ABCA3: variants seen among roughly 807,000 people sequenced by gnomAD.
ABCA3 encodes the protein phospholipid-transporting ATPase ABCA3.
A neutral mutation model predicts 172.8 loss-of-function variants in ABCA3; 88 were observed. The observed-to-expected ratio is 0.51, with a 90% CI of 0.43 to 0.61. ABCA3 has a LOEUF of 0.61. Among genes scored for constraint, ABCA3 ranks in the 20% least tolerant of loss-of-function variants. ABCA3 has a pLI of 0.00. For missense variants in ABCA3, 2,164 were observed against 2,301.0 expected, an observed-to-expected ratio of 0.94 and a Z score of 1.22; for synonymous variants, 1,066 against 983.8, an observed-to-expected ratio of 1.08 and a Z score of -1.56.
At chr16:2,316,331 G>GA (rs2093715505) in intron 10 of ABCA3, among the ~76,000 whole-genome samples, 1 of 96,312 alleles carries the variant, frequency 1.0e-5, no homozygotes, top group Admixed American at 1.1e-4. Flanking sequence ...AAAGAAAAAA[G>GA]AAAAGAAAAA....
Position 2,283,434 on chromosome 16 carries a change from C to T in ABCA3, c.3863-76G>A. On this transcript the variant is annotated intron_variant, in intron 25 of 32. Coordinates refer to ENST00000301732, the MANE Select transcript of ABCA3 (RefSeq NM_001089.3). This position sits in a 1 kb window ranked among gnomAD's most constrained non-coding sequence, Gnocchi z 5.4. ...CCTTCCAGGTTCCCGGCCCCCACTCCCCTCCCCAGGCTGCTCAAGGCGCCT... is the reference window on the plus strand; with the variant it reads ...CCTTCCAGGTTCCCGGCCCCCACTCTCCTCCCCAGGCTGCTCAAGGCGCCT... 18 of 1,542,938 alleles carry T rather than the reference C, an allele frequency of 1.2e-5. No homozygotes were observed. Among genetic ancestry groups the T allele is most frequent in the Non-Finnish European group, 1.5e-5 (17 of 1,130,754 alleles).
Position 2,276,751 on chromosome 16 carries a change from C to T in ABCA3, c.5038G>A (p.Val1680Met), listed in dbSNP as rs759974464. 1.1e-4 allele frequency: 185 copies of T among 1,613,908 alleles called. No individual in the cohort carries two copies. The South Asian group carries it at 1.9e-3, about 16-fold the overall frequency. Reference protein sequence around the residue: ...KEKYGVDDYSVSQISLEQVFL... With the variant: ...KEKYGVDDYSMSQISLEQVFL... ...ACCTGTTCCAGCGAGATCTGGCTCA[C>T]GGAGTAGTCGTCCACGCCGTACTTT... Residue 1680 changes from valine (V) to methionine (M), a missense_variant, in exon 33 of 33, where the codon GTG becomes ATG. Coordinates refer to ENST00000301732, the MANE Select transcript of ABCA3 (RefSeq NM_001089.3).
rs1449586919 is a variant in ABCA3 at position 2,297,150 on chromosome 16, G to A, written c.2263+179C>T. Among the ~76,000 whole-genome samples, 1 of 152,102 alleles carries A rather than the reference G, an allele frequency of 6.6e-6. No homozygotes were observed. The highest frequency in any genetic ancestry group is 1.5e-5 in the Non-Finnish European group (1 of 68,030). ...ATTGAGACTTTCAGCTCCATTTCCT[G>A]CCTCTTCCCTCTCACAAGCCCCCCT... On this transcript the variant is annotated intron_variant, in intron 17 of 32. Transcript: ENST00000301732. This position sits in a 1 kb window ranked among gnomAD's most constrained non-coding sequence, Gnocchi z 5.6.
chr16:2,283,312 G>C lies in ABCA3; in HGVS notation c.3909C>G (p.Val1303=). ...CGGCCATGGAGGCCACAAACCGGCCGACCCCCGGGGCGCTCCAGGCATAGA... is the reference window on the plus strand; with the variant it reads ...CGGCCATGGAGGCCACAAACCGGCCCACCCCCGGGGCGCTCCAGGCATAGA... ...ENFYAWSAPG[V]GRFVASMAAS... The change falls in exon 26 of 33, where the codon GTC becomes GTG. Residue 1303 remains valine, a synonymous_variant. Transcript: ENST00000301732. The surrounding 1 kb of genome is among the most constrained non-coding windows in gnomAD (Gnocchi z 5.4). 6.2e-7 allele frequency: 1 copy of C among 1,613,198 alleles called. No homozygotes were observed. Among genetic ancestry groups the C allele is most frequent in the South Asian group, 1.1e-5 (1 of 91,068 alleles).
intron 19 of ABCA3, among the ~76,000 whole-genome samples, chr16:2,291,190 G>A (rs1006931228): frequency 7.9e-5 from 12 of 152,022 alleles, no homozygotes; most frequent in East Asian, 1.9e-4. Context: ...CTAGCTGGGC[G>A]TAATGACGTG....
chr16:2,310,539 CAGGGTCTCATACT>C lies in ABCA3; in HGVS notation c.1112-1929_1112-1917del, dbSNP rs1171646278. Among the ~76,000 whole-genome samples, 6 of 148,898 alleles carry C rather than the reference CAGGGTCTCATACT, an allele frequency of 4.0e-5. 1 individual carries two copies. The highest frequency in any genetic ancestry group is 5.9e-5 in the Non-Finnish European group (4 of 67,410). On this transcript the variant is annotated intron_variant, in intron 10 of 32. Transcript: ENST00000301732. Reference sequence around the variant, plus strand: ...TCTTTCTTTTTTTTTTTTTCTGAGACAGGGTCTCATACTATCGCCCAGGATGGAGTGCAGTGGT... The same window carrying C: ...TCTTTCTTTTTTTTTTTTTCTGAGACATCGCCCAGGATGGAGTGCAGTGGT...
chr16:2,283,664 C>T lies in ABCA3; in HGVS notation c.3863-306G>A, dbSNP rs1012066590. 7.3e-6 allele frequency: 3 copies of T among 409,550 alleles called. No individual in the cohort carries two copies. The highest frequency in any genetic ancestry group is 1.4e-5 in the Non-Finnish European group (3 of 219,150). The allele number at this position is 409,550 out of a possible 1,614,324, so 25.4% of individuals were successfully genotyped here. ...GCTGCCTCCTGACCAGGACAGAGAC[C>T]GTTACAAGCACCGAGGGGTGTGTGG... On this transcript the variant is annotated intron_variant, in intron 25 of 32. Transcript: ENST00000301732. This position sits in a 1 kb window ranked among gnomAD's most constrained non-coding sequence, Gnocchi z 5.4.
intron 10 of ABCA3, among the ~76,000 whole-genome samples, chr16:2,315,019 A>G (rs967170450): frequency 2.0e-5 from 3 of 151,080 alleles, no homozygotes; most frequent in Non-Finnish European, 4.4e-5. Flanking sequence ...CTGGGACTAC[A>G]GGTACCCGCC....
rs911853425 is a variant in ABCA3 at position 2,277,858 on chromosome 16, G to T, written c.4909+21C>A. ...GGGGCCCAGGGCCCACCCAGTGGGGGCTGCCGGGGCCGGCACACACCTGGA... is the reference window on the plus strand; with the variant it reads ...GGGGCCCAGGGCCCACCCAGTGGGGTCTGCCGGGGCCGGCACACACCTGGA... On this transcript the variant is annotated intron_variant, in intron 31 of 32. Transcript: ENST00000301732. This position sits in a 1 kb window ranked among gnomAD's most constrained non-coding sequence, Gnocchi z 5.3. 10 of 1,607,430 alleles carry T rather than the reference G, an allele frequency of 6.2e-6. No homozygotes were observed. The highest frequency in any genetic ancestry group is 8.5e-6 in the Non-Finnish European group (10 of 1,179,530).
In ABCA3 at chr16:2,276,785, T is replaced by A. The variant is rs1355881997; in HGVS notation, c.5004A>T (p.Lys1668Asn). 1.2e-6 allele frequency: 2 copies of A among 1,613,950 alleles called. No individual in the cohort carries two copies. The highest frequency in any genetic ancestry group is 3.3e-5 in the Admixed American group (2 of 60,026). Residue 1668 changes from lysine to asparagine, a missense_variant, in exon 33 of 33, where the codon AAA (lysine) becomes AAT (asparagine). Around this residue, in one of 3 missense-constraint regions of ABCA3, gnomAD observed 795 missense variants for 881.9 expected, o/e 0.90. Coordinates refer to ENST00000301732, the MANE Select transcript of ABCA3 (RefSeq NM_001089.3). ...CGTCCACGCCGTACTTTTCCTTGGC[T>A]TTCTCCAGAATACCGAAAACCTTTG... ...SWAKVFGILE[K>N]AKEKYGVDDY...
rs1248792069 is a variant in ABCA3 at position 2,284,852 on chromosome 16, G to A, written c.3630C>T (p.Tyr1210=). The stretch of plus-strand genomic sequence containing the variant: ...GGATGTTGAAGATGGTCAGCCTCGT[G>A]TAGGCAGTGGCCGCCCCCAAGAAGA... ...NFFFLGAATA[Y]TRLTIFNILS... is the part of the protein sequence containing the mutation. Residue 1210 remains tyrosine (Y), a synonymous_variant, in exon 24 of 33, where the codon TAC becomes TAT. Coordinates refer to ENST00000301732, the MANE Select transcript of ABCA3 (RefSeq NM_001089.3). The surrounding 1 kb of genome is among the most constrained non-coding windows in gnomAD (Gnocchi z 5.9). The A allele has an allele frequency of 7.4e-6, 12 of 1,614,008 alleles. No homozygotes were observed. Among genetic ancestry groups the A allele is most frequent in the Non-Finnish European group, 1.0e-5 (12 of 1,179,988 alleles).
intron 11 of ABCA3, among the ~76,000 whole-genome samples, chr16:2,306,282 G>A (rs2093697454): frequency 6.6e-6 from 1 of 152,064 alleles, no homozygotes; most frequent in Non-Finnish European, 1.5e-5. Context: ...CTATTATCAT[G>A]CTACTGCACT....
intron 26 of ABCA3, among the ~76,000 whole-genome samples, chr16:2,282,204 C>T (rs1040228830): frequency 5.3e-5 from 8 of 152,194 alleles, no homozygotes; most frequent in Non-Finnish European, 1.0e-4. Context: ...AGGCTTAAGC[C>T]TCCTGTCTCA....
chr16:2,317,353 G>A lies in ABCA3; in HGVS notation c.1041C>T (p.Leu347=), dbSNP rs1431781792. The part of the protein sequence containing the change: ...VLSRSDPSLV[L]AFLLCFAIST... Reference sequence around the variant, plus strand: ...AGATGGCGAAGCACAGCAGGAAGGCGAGCACCAGGGAGGGGTCGCTGCGGG... The same window carrying A: ...AGATGGCGAAGCACAGCAGGAAGGCAAGCACCAGGGAGGGGTCGCTGCGGG... Residue 347 remains leucine, a synonymous_variant, in exon 10 of 33, where the codon CTC becomes CTT. Coordinates refer to ENST00000301732, the MANE Select transcript of ABCA3 (RefSeq NM_001089.3). The A allele has an allele frequency of 1.9e-6, 3 of 1,614,054 alleles. No individual in the cohort carries two copies. Among genetic ancestry groups the A allele is most frequent in the East Asian group, 2.2e-5 (1 of 44,874 alleles).
intron 17 of ABCA3, 79 bp from the exon 18 acceptor site, chr16:2,295,819 C>T (rs1308450124): frequency 1.9e-6 from 3 of 1,595,286 alleles, no homozygotes; most frequent in African/African-American, 1.3e-5. Flanking sequence ...CTCTAGGGCT[C>T]ACACCAGGCA....
chr16:2,323,677 G>C lies in ABCA3; in HGVS notation c.459C>G (p.His153Gln). 2 of 1,614,160 alleles carry C rather than the reference G, an allele frequency of 1.2e-6. No individual in the cohort carries two copies. The highest frequency in any genetic ancestry group is 1.7e-6 in the Non-Finnish European group (2 of 1,180,002). ...TTCTCCGTGTGTAACTGAACCGTAG[G>C]TGATATTTCACCTGTGGAAACAAAG... ...KEPLPLAVKY[H>Q]LRFSYTRRNY... is the part of the protein sequence containing the mutation. The change falls in exon 7 of 33, where the codon CAC (histidine) becomes CAG (glutamine). Residue 153 changes from histidine to glutamine, a missense_variant. Coordinates refer to ENST00000301732, the MANE Select transcript of ABCA3 (RefSeq NM_001089.3).
intron 1 of ABCA3, chr16:2,332,656 T>C: frequency 1.2e-6 from 2 of 1,602,708 alleles, no homozygotes; most frequent in East Asian, 4.5e-5. Flanking sequence ...CCCGTTCACC[T>C]TGATGAGACC....
At chr16:2,303,214 C>T (rs2093692206) in intron 12 of ABCA3, among the ~76,000 whole-genome samples, 1 of 151,952 alleles carries the variant, frequency 6.6e-6, no homozygotes. Context: ...GTGTTCATCT[C>T]ACCAGTGGGA....
At chr16:2,333,434 G>A (rs1369848419) in intron 1 of ABCA3, among the ~76,000 whole-genome samples, 1 of 152,176 alleles carries the variant, frequency 6.6e-6, no homozygotes, top group Non-Finnish European at 1.5e-5. Flanking sequence ...GTCACATTTG[G>A]TGCTTTTCCT....
Sources: gnomAD v4.1 joint callset for allele counts (sites outside exome capture counted in the v4.1 genomes callset) on GRCh38, gnomAD v4.1.1 for gene constraint, gnomAD v4.1.1 regional missense constraint, Gnocchi (gnomAD v3.1) non-coding constraint, MANE v1.5 for transcripts, NCBI Gene and HGNC (gene_info 2026-07-23, HGNC 2026-07-21) for gene names.